Variants in BARD1 observed in about 807,000 individuals in gnomAD.
The protein encoded by BARD1 is BRCA1-associated RING domain protein 1.
In BARD1, 73 loss-of-function variants were observed where a neutral mutation model predicts 77.0. The observed-to-expected ratio is 0.95, with a 90% CI of 0.79 to 1.15. BARD1 has a LOEUF of 1.15. Among genes scored for constraint, BARD1 ranks in the 50% most tolerant of loss-of-function variants. The probability of loss-of-function intolerance (pLI) is 0.00; values close to 1 mark genes in which losing one functional copy is unlikely to be tolerated. For missense variants in BARD1, 993 were observed against 938.8 expected (o/e 1.06, Z -0.75); for synonymous variants, 384 against 338.0 (o/e 1.14, Z -1.49).
At chr2:214,739,740 T>C (rs1461886309) in intron 9 of BARD1, among the ~76,000 whole-genome samples, 2 of 152,094 alleles carry the variant, frequency 1.3e-5, no homozygotes, top group Admixed American at 6.5e-5. Context: ...TCTCATTAAA[T>C]ACTGTCGACA....
chr2:214,798,180 C>T (rs1488212385), intron 1 of BARD1, among the ~76,000 whole-genome samples: 1 of 152,050 alleles, frequency 6.6e-6, no homozygotes, highest in Admixed American at 6.6e-5. Flanking sequence ...TAGATATGAA[C>T]ATTCAAGTGA....
chr2:214,775,771 C>G (rs993858767), intron 4 of BARD1, among the ~76,000 whole-genome samples: 37 of 152,190 alleles, frequency 2.4e-4, no homozygotes, highest in African/African-American at 8.4e-4. Context: ...ATTACAAAAG[C>G]AGACTTATAC....
intron 6 of BARD1, among the ~76,000 whole-genome samples, chr2:214,764,239 A>G (rs1269937934): frequency 6.6e-6 from 1 of 152,174 alleles, no homozygotes; most frequent in Admixed American, 6.5e-5. Flanking sequence ...CACTCTACAA[A>G]CAAATGTGGA....
intron 1 of BARD1, among the ~76,000 whole-genome samples, chr2:214,806,522 T>C (rs1169860590): frequency 1.3e-5 from 2 of 152,086 alleles, no homozygotes; most frequent in African/African-American, 2.4e-5. Flanking sequence ...TCACTATAGA[T>C]AGTGCCAAAG....
chr2:214,805,399 C>T (rs1696222643), intron 1 of BARD1, among the ~76,000 whole-genome samples: 1 of 152,138 alleles, frequency 6.6e-6, no homozygotes, highest in South Asian at 2.1e-4. Flanking sequence ...TAATGAATAA[C>T]CAGTGCCAGG....
chr2:214,740,376 A>T (rs1253619639), intron 9 of BARD1, among the ~76,000 whole-genome samples: 1 of 149,868 alleles, frequency 6.7e-6, no homozygotes, highest in East Asian at 2.0e-4. Flanking sequence ...TCCAATTATT[A>T]TTACAACTTG....
At chr2:214,773,585 A>G (rs773389799) in intron 4 of BARD1, among the ~76,000 whole-genome samples, 6 of 152,206 alleles carry the variant, frequency 3.9e-5, no homozygotes, top group African/African-American at 1.4e-4. Flanking sequence ...TATAAAAGTT[A>G]TATGTGCACT....
At chr2:214,779,816 T>C (rs1355788995) in intron 4 of BARD1, among the ~76,000 whole-genome samples, 1 of 152,188 alleles carries the variant, frequency 6.6e-6, no homozygotes, top group Non-Finnish European at 1.5e-5. Flanking sequence ...AGGTCTACCA[T>C]ATCATACTTT....
chr2:214,776,901 T>C (rs1349573048), intron 4 of BARD1, among the ~76,000 whole-genome samples: 2 of 152,154 alleles, frequency 1.3e-5, no homozygotes, highest in African/African-American at 4.8e-5. Flanking sequence ...CTCAATCTGC[T>C]GCTGCTGGAT....
chr2:214,792,231 T>C, intron 3 of BARD1, 66 bp downstream of exon 3: 1 of 1,444,890 alleles, frequency 6.9e-7, no homozygotes, highest in Non-Finnish European at 9.7e-7. Context: ...TTATATACTT[T>C]ATGAATATGA....
At chr2:214,752,586 A>T (rs1393088600) in intron 6 of BARD1, 31 bp from the exon 7 acceptor site, 1 of 1,529,688 alleles carries the variant, frequency 6.5e-7, no homozygotes, top group African/African-American at 1.4e-5. Flanking sequence ...GTGTTTAAGT[A>T]AGTCAAATGT....
chr2:214,807,758 T>G (rs1018077871), intron 1 of BARD1, among the ~76,000 whole-genome samples: 2 of 151,860 alleles, frequency 1.3e-5, no homozygotes, highest in African/African-American at 4.8e-5. Context: ...TAACTTGGCC[T>G]ACTCAATAGT....
chr2:214,781,250 C>CA lies in BARD1; in HGVS notation c.623_624insT (p.Lys208AsnfsTer6), dbSNP rs1695009134. 1.3e-6 allele frequency: 2 copies of CA among 1,594,590 alleles called. No individual in the cohort carries two copies. Among genetic ancestry groups the CA allele is most frequent in the Non-Finnish European group, 1.7e-6 (2 of 1,175,260 alleles). ...TTTGGTTGATTTCAGCTAAAGTTTTCTTTTTTTGCTTTTTTCCAGATCTTG... is the reference window on the plus strand; with the variant it reads ...TTTGGTTGATTTCAGCTAAAGTTTTCATTTTTTTGCTTTTTTCCAGATCTTG... On this transcript the variant is annotated frameshift_variant, in exon 4 of 11. Transcript: ENST00000260947. LOFTEE classifies it high-confidence loss of function.
At chr2:214,754,713 CAT>C (rs1693613818) in intron 6 of BARD1, among the ~76,000 whole-genome samples, 1 of 152,098 alleles carries the variant, frequency 6.6e-6, no homozygotes, top group South Asian at 2.1e-4. Flanking sequence ...GGTCTTAAAA[CAT>C]GTGGTTTCTC....
At chr2:214,809,158 A>T (rs1264038071) in intron 1 of BARD1, among the ~76,000 whole-genome samples, 1 of 152,182 alleles carries the variant, frequency 6.6e-6, no homozygotes, top group Non-Finnish European at 1.5e-5. Context: ...ACGGTTCTTC[A>T]GCCCGCTGAA....
At chr2:214,744,632 CTTTT>C (rs1693009743) in intron 9 of BARD1, among the ~76,000 whole-genome samples, 1 of 151,970 alleles carries the variant, frequency 6.6e-6, no homozygotes, top group South Asian at 2.1e-4. Context: ...GAAGCTTTTT[CTTTT>C]TTTCTTTTTT....
chr2:214,747,452 A>C (rs1285838003), intron 7 of BARD1, among the ~76,000 whole-genome samples: 3 of 149,884 alleles, frequency 2.0e-5, no homozygotes, highest in African/African-American at 7.4e-5. Context: ...ACTTGGAACC[A>C]ACCCAAATGT....
intron 9 of BARD1, among the ~76,000 whole-genome samples, chr2:214,740,007 T>C (rs961914206): frequency 6.6e-6 from 1 of 152,004 alleles, no homozygotes; most frequent in African/African-American, 2.4e-5. Context: ...CATAATAATA[T>C]CAAAATATCA....
intron 6 of BARD1, 59 bp downstream of exon 6, chr2:214,767,423 C>T (rs1694254008): frequency 1.3e-6 from 2 of 1,531,336 alleles, no homozygotes; most frequent in Non-Finnish European, 1.8e-6. Context: ...CTTTATCACA[C>T]ACCTTGATTC....
Sources: gnomAD v4.1 joint callset for allele counts (sites outside exome capture counted in the v4.1 genomes callset) on GRCh38, gnomAD v4.1.1 for gene constraint, MANE v1.5 for transcripts, NCBI Gene and HGNC (gene_info 2026-07-23, HGNC 2026-07-21) for gene names.